SCHIP1: variants seen among roughly 807,000 people sequenced by gnomAD.
The protein encoded by SCHIP1 is schwannomin-interacting protein 1.
A neutral mutation model predicts 29.7 loss-of-function variants in SCHIP1; 8 were observed. The ratio of observed to expected loss-of-function variants is 0.27; its 90% CI spans 0.16 to 0.49. SCHIP1 has a LOEUF of 0.49. Among genes scored for constraint, SCHIP1 ranks in the 20% least tolerant of loss-of-function variants. The pLI is 0.99. For synonymous variants in SCHIP1, 76 were observed against 94.9 expected (o/e 0.80, Z 1.16); for missense variants, 193 against 294.6 (o/e 0.66, Z 2.52).
the SCHIP1 span, among the ~76,000 whole-genome samples, chr3:159,647,177 G>C: frequency 6.6e-6 from 1 of 152,150 alleles, no homozygotes; most frequent in South Asian, 2.1e-4. Flanking sequence ...AAAGGGGAAA[G>C]GTAGAAAGGC....
the SCHIP1 span, among the ~76,000 whole-genome samples, chr3:159,512,292 G>T: frequency 5.9e-5 from 9 of 152,306 alleles, no homozygotes; most frequent in South Asian, 1.9e-3. Context: ...AAACCTCAAT[G>T]AGATAGCACT....
In SCHIP1 at chr3:159,863,211, G is replaced by A. The variant is rs906314486; in HGVS notation, c.31-2952G>A. Among the ~76,000 whole-genome samples, 23 of 152,092 alleles carry A rather than the reference G, an allele frequency of 1.5e-4. 1 individual carries two copies. Among genetic ancestry groups the A allele is most frequent in the Admixed American group, 1.2e-3 (18 of 15,274 alleles). On this transcript the variant is annotated intron_variant, in intron 1 of 6. Coordinates refer to ENST00000445224, the Ensembl canonical transcript of SCHIP1. ...AAAAATTAGCTGAGCGTAGTGGCGC[G>A]AGCCTGTAGTCCCAGCTACTCAGGA...
the SCHIP1 span, among the ~76,000 whole-genome samples, chr3:159,794,051 G>A: frequency 4.6e-5 from 7 of 152,170 alleles, no homozygotes; most frequent in African/African-American, 9.7e-5. Flanking sequence ...GGTCTTTAAC[G>A]TCATCACATC....
chr3:159,293,181 A>G, the SCHIP1 span, among the ~76,000 whole-genome samples: 1 of 152,222 alleles, frequency 6.6e-6, no homozygotes. Flanking sequence ...CCTATGGTAA[A>G]TGGATGCAAT....
At chr3:159,650,565 C>T in the SCHIP1 span, among the ~76,000 whole-genome samples, 2 of 152,024 alleles carry the variant, frequency 1.3e-5, no homozygotes, top group Non-Finnish European at 2.9e-5. Flanking sequence ...ATGTATATAT[C>T]CTTTGAACAC....
chr3:159,318,915 G>C, the SCHIP1 span, among the ~76,000 whole-genome samples: 1 of 152,210 alleles, frequency 6.6e-6, no homozygotes, highest in South Asian at 2.1e-4. Context: ...CCCAGTAACA[G>C]GCCATGAGCT....
chr3:159,381,228 A>G, the SCHIP1 span, among the ~76,000 whole-genome samples: 8 of 152,186 alleles, frequency 5.3e-5, no homozygotes, highest in Non-Finnish European at 1.0e-4. Context: ...TAGTGTACTA[A>G]GAGGGCTGAG....
chr3:159,471,266 A>T, the SCHIP1 span, among the ~76,000 whole-genome samples: 2 of 152,148 alleles, frequency 1.3e-5, no homozygotes, highest in Admixed American at 1.3e-4. Flanking sequence ...TTACAAGAGG[A>T]TAAACAGATC....
the SCHIP1 span, among the ~76,000 whole-genome samples, chr3:159,427,909 A>C: frequency 3.3e-5 from 5 of 151,576 alleles, no homozygotes; most frequent in Non-Finnish European, 4.4e-5. Context: ...CAACTATCTG[A>C]TCTTTGACAA....
At chr3:159,880,090 G>T (rs1716281817) in intron 2 of SCHIP1, among the ~76,000 whole-genome samples, 1 of 152,198 alleles carries the variant, frequency 6.6e-6, no homozygotes, top group Admixed American at 6.5e-5. Flanking sequence ...CTTTGGAGCT[G>T]CCTTCATCAG....
chr3:159,548,461 G>A, the SCHIP1 span, among the ~76,000 whole-genome samples: 6 of 151,426 alleles, frequency 4.0e-5, no homozygotes, highest in African/African-American at 1.5e-4. Flanking sequence ...GGTCATATCG[G>A]CTCTCTCTCT....
At chr3:159,430,168 G>A in the SCHIP1 span, among the ~76,000 whole-genome samples, 1 of 152,004 alleles carries the variant, frequency 6.6e-6, no homozygotes, top group East Asian at 1.9e-4. Context: ...ATTAGAAATG[G>A]GCATCTGATT....
At chr3:159,451,675 C>G in the SCHIP1 span, among the ~76,000 whole-genome samples, 17 of 152,216 alleles carry the variant, frequency 1.1e-4, no homozygotes, top group Non-Finnish European at 1.9e-4. Flanking sequence ...ACTGAATAAT[C>G]TGCCTGGTGC....
At chr3:159,697,887 G>A in the SCHIP1 span, among the ~76,000 whole-genome samples, 4 of 152,190 alleles carry the variant, frequency 2.6e-5, no homozygotes, top group Non-Finnish European at 5.9e-5. Flanking sequence ...ATCATCATTT[G>A]TACAGTGTGA....
At chr3:159,605,381 A>G in the SCHIP1 span, among the ~76,000 whole-genome samples, 1 of 152,208 alleles carries the variant, frequency 6.6e-6, no homozygotes, top group South Asian at 2.1e-4. Context: ...ACTGGTTTTG[A>G]ACTCCTGAGT....
At chr3:159,453,847 C>A in the SCHIP1 span, among the ~76,000 whole-genome samples, 1 of 152,152 alleles carries the variant, frequency 6.6e-6, no homozygotes, top group Non-Finnish European at 1.5e-5. Flanking sequence ...TCCTGCTTGC[C>A]TCTCTGATTC....
At chr3:159,677,023 C>T in the SCHIP1 span, among the ~76,000 whole-genome samples, 1 of 152,086 alleles carries the variant, frequency 6.6e-6, no homozygotes, top group Non-Finnish European at 1.5e-5. Flanking sequence ...AAGTAAAGGT[C>T]ACGTGTTTTA....
the SCHIP1 span, chr3:159,765,260 G>C: frequency 8.4e-7 from 1 of 1,193,858 alleles, no homozygotes; most frequent in Non-Finnish European, 1.1e-6. Flanking sequence ...CCTCGAGGGT[G>C]GGGGCCAGGC....
the SCHIP1 span, among the ~76,000 whole-genome samples, chr3:159,656,649 A>G: frequency 6.6e-6 from 1 of 152,134 alleles, no homozygotes; most frequent in South Asian, 2.1e-4. Flanking sequence ...TACCCACCTT[A>G]TATGGTTTCC....
Sources: allele counts gnomAD v4.1 joint callset (sites outside exome capture counted in the v4.1 genomes callset), GRCh38; gene constraint gnomAD v4.1.1; transcripts MANE v1.5; gene names NCBI Gene and HGNC (gene_info 2026-07-23, HGNC 2026-07-21).